The following PGLYRP4 variants were observed in gnomAD, a reference collection of about 807,000 sequenced individuals.
PGLYRP4 encodes peptidoglycan recognition protein 4.
A neutral mutation model predicts 41.2 loss-of-function variants in PGLYRP4; 39 were observed. That is an observed-to-expected ratio of 0.95 (90% CI 0.73 to 1.24). The LOEUF (loss-of-function observed/expected upper bound fraction) is 1.24. Ranked by LOEUF, PGLYRP4 falls within the 50% of genes most tolerant of loss-of-function variation. The pLI, the probability that PGLYRP4 is intolerant of heterozygous loss-of-function variation, is 0.00. For synonymous variants in PGLYRP4, 202 were observed against 186.8 expected (o/e 1.08, Z -0.66); for missense variants, 467 against 460.7 (o/e 1.01, Z -0.13).
chr1:153,343,208 G>A lies in PGLYRP4; in HGVS notation c.354C>T (p.Asn118=), dbSNP rs774296725. 3 of 1,603,452 alleles carry A rather than the reference G, an allele frequency of 1.9e-6. No individual in the cohort carries two copies. The highest frequency in any genetic ancestry group is 2.6e-6 in the Non-Finnish European group (3 of 1,170,344). Residue 118 remains asparagine, a splice_region_variant and synonymous_variant, in exon 5 of 9, where the codon AAC becomes AAT. Coordinates refer to ENST00000359650, the MANE Select transcript of PGLYRP4 (RefSeq NM_020393.4). ...HNNSGCDVAY[N]FLVGDDGRVY... ...CCCTGCCATCATCCCCAACCAGGAA[G>A]CTATGGAGCAAGATAATACAGGTTT...
chr1:153,340,517 T>C lies in PGLYRP4; in HGVS notation c.688A>G (p.Thr230Ala), dbSNP rs773837792. 1.2e-6 allele frequency: 2 copies of C among 1,613,864 alleles called. No homozygotes were observed. The highest frequency in any genetic ancestry group is 1.7e-6 in the Non-Finnish European group (2 of 1,179,976). Reference sequence around the variant, plus strand: ...ATGATGCCATACTTCGCTGGGAGAGTCATCCTGGGACAGTGGGTCTCCCTG... The same window carrying C: ...ATGATGCCATACTTCGCTGGGAGAGCCATCCTGGGACAGTGGGTCTCCCTG... ...GARETHCPRMTLPAKYGIIIH... is the reference protein window; with the variant it reads ...GARETHCPRMALPAKYGIIIH... The change falls in exon 7 of 9, where the codon ACT becomes GCT. Residue 230 changes from threonine (T) to alanine (A), a missense_variant. Transcript: ENST00000359650.
chr1:153,343,929 A>G (rs1032538341), intron 4 of PGLYRP4, among the ~76,000 whole-genome samples: 3 of 152,216 alleles, frequency 2.0e-5, no homozygotes, highest in Admixed American at 6.5e-5. Flanking sequence ...TGGCCCCAGT[A>G]AAACAGTGGG....
intron 8 of PGLYRP4, among the ~76,000 whole-genome samples, chr1:153,336,823 CA>C (rs1298526868): frequency 6.6e-6 from 1 of 152,136 alleles, no homozygotes; most frequent in Non-Finnish European, 1.5e-5. Context: ...GTGGCTTTGG[CA>C]TATAAGGAAA....
intron 8 of PGLYRP4, among the ~76,000 whole-genome samples, chr1:153,333,801 T>C (rs1401586495): frequency 6.6e-6 from 1 of 152,086 alleles, no homozygotes; most frequent in East Asian, 1.9e-4. Flanking sequence ...ATAAGCAGAA[T>C]TAAAACAAAA....
Position 153,333,847 on chromosome 1 carries a change from A to G in PGLYRP4, c.944-2902T>C, listed in dbSNP as rs1339151529. ...AGTTTTGATGCAGAAAAAGCATTCA[A>G]TTAAATCCAACATTACTTCATGATA... On this transcript the variant is annotated intron_variant, in intron 8 of 8. Coordinates refer to ENST00000359650, the MANE Select transcript of PGLYRP4 (RefSeq NM_020393.4). 3.9e-5 allele frequency among the ~76,000 whole-genome samples: 6 copies of G among 152,330 alleles called. No individual in the cohort carries two copies. The East Asian group carries it at 7.7e-4, about 20-fold the overall frequency.
chr1:153,331,159 C>G (rs1230166197), intron 8 of PGLYRP4, among the ~76,000 whole-genome samples: 1 of 152,166 alleles, frequency 6.6e-6, no homozygotes, highest in Non-Finnish European at 1.5e-5. Flanking sequence ...ATAAATTCTT[C>G]TGAGGATATA....
intron 5 of PGLYRP4, among the ~76,000 whole-genome samples, chr1:153,342,395 G>C (rs117444436): frequency 1.3e-5 from 2 of 152,134 alleles, no homozygotes; most frequent in African/African-American, 2.4e-5. Context: ...TGGGGTCATC[G>C]ACCTCTCTGA....
chr1:153,348,074 A>C, intron 1 of PGLYRP4, 96 bp from the exon 2 acceptor site: 1 of 673,960 alleles, frequency 1.5e-6, no homozygotes, highest in Non-Finnish European at 2.6e-6. Context: ...CTCCTCTACC[A>C]TCCTGTGGCC....
chr1:153,341,867 T>A, intron 5 of PGLYRP4, 88 bp from the exon 6 acceptor site: 1 of 1,314,542 alleles, frequency 7.6e-7, no homozygotes, highest in Non-Finnish European at 1.1e-6. Flanking sequence ...TGCCAGCCCC[T>A]GCACAGCTGA....
Position 153,342,617 on chromosome 1 carries a change from A to C in PGLYRP4, c.472+473T>G, listed in dbSNP as rs549571528. 5.3e-5 allele frequency among the ~76,000 whole-genome samples: 8 copies of C among 149,862 alleles called. No individual in the cohort carries two copies. The East Asian group carries it at 1.6e-3, about 30-fold the overall frequency. ...AACAGTCCAGAAAGAAGTAGAAGAG[A>C]GTCAGAGATTAGGGGACCCAGAGTG... On this transcript the variant is annotated intron_variant, in intron 5 of 8. Coordinates refer to ENST00000359650, the MANE Select transcript of PGLYRP4 (RefSeq NM_020393.4).
chr1:153,331,615 T>A (rs1660338773), intron 8 of PGLYRP4: 2 of 152,428 alleles, frequency 1.3e-5, no homozygotes, highest in South Asian at 4.1e-4. Context: ...ATTAAGAACT[T>A]TGAGTTGTTC....
chr1:153,345,431 C>T (rs765487263), intron 3 of PGLYRP4, 49 bp from the exon 4 acceptor site: 42 of 1,538,826 alleles, frequency 2.7e-5, no homozygotes, highest in African/African-American at 1.8e-4. Context: ...CGCATTAGCC[C>T]GCCAAGCTGA....
chr1:153,333,479 C>T (rs1052980606), intron 8 of PGLYRP4, among the ~76,000 whole-genome samples: 25 of 152,028 alleles, frequency 1.6e-4, no homozygotes, highest in Admixed American at 3.9e-4. Context: ...GATTCACAGC[C>T]GAATTCTACC....
intron 6 of PGLYRP4, among the ~76,000 whole-genome samples, chr1:153,341,077 C>T (rs915986682): frequency 3.3e-5 from 5 of 152,144 alleles, no homozygotes; most frequent in Non-Finnish European, 2.9e-5. Context: ...TTCTGCAGCA[C>T]TTCAGTCTAT....
At chr1:153,344,084 A>T (rs927127471) in intron 4 of PGLYRP4, among the ~76,000 whole-genome samples, 7 of 152,148 alleles carry the variant, frequency 4.6e-5, no homozygotes, top group African/African-American at 1.7e-4. Context: ...AAGCACGACA[A>T]AGACACAGAA....
At chr1:153,342,983 G>A in intron 5 of PGLYRP4, 107 bp downstream of exon 5, 1 of 521,250 alleles carries the variant, frequency 1.9e-6, no homozygotes, top group Non-Finnish European at 3.3e-6. Flanking sequence ...AGAGAAGTAT[G>A]AGAAGGATAA....
Position 153,333,069 on chromosome 1 carries a change from T to A in PGLYRP4, c.944-2124A>T, listed in dbSNP as rs144941226. ...TATTGTGTAGAACTTCTTTGAGCAT[T>A]TGGTCTCTATATGAGACCAAAAAAA... On this transcript the variant is annotated intron_variant, in intron 8 of 8. Transcript: ENST00000359650. Among the ~76,000 whole-genome samples the A allele has an allele frequency of 9.0e-4, 136 of 151,944 alleles. 1 individual carries two copies. The highest frequency in any genetic ancestry group is 3.0e-3 in the African/African-American group (124 of 41,444).
chr1:153,335,056 A>G (rs990297501), intron 8 of PGLYRP4, among the ~76,000 whole-genome samples: 1 of 152,198 alleles, frequency 6.6e-6, no homozygotes, highest in African/African-American at 2.4e-5. Flanking sequence ...AAGATGGATT[A>G]AAGACTTAAA....
At position 153,330,956 on chromosome 1, in the gene PGLYRP4, C is replaced by A; in HGVS notation, c.944-11G>T. On this transcript the variant is annotated splice_polypyrimidine_tract_variant and intron_variant, in intron 8 of 8. Coordinates refer to ENST00000359650, the MANE Select transcript of PGLYRP4 (RefSeq NM_020393.4). ...CATTGGGTGGTATACCTGCAAAACA[C>A]AGCAGCCCATTGTCTACAGGATTAC... The A allele has an allele frequency of 6.2e-7, 1 of 1,608,326 alleles. No individual in the cohort carries two copies. The highest frequency in any genetic ancestry group is 8.5e-7 in the Non-Finnish European group (1 of 1,175,842).
Sources: gnomAD v4.1 joint callset for allele counts (sites outside exome capture counted in the v4.1 genomes callset) on GRCh38, gnomAD v4.1.1 for gene constraint, MANE v1.5 for transcripts, NCBI Gene and HGNC (gene_info 2026-07-23, HGNC 2026-07-21) for gene names.